The following DPP6 variants were observed in gnomAD, a reference collection of about 807,000 sequenced individuals.
DPP6 encodes A-type potassium channel modulatory protein DPP6.
Under a neutral mutation model 122.6 loss-of-function variants are expected in DPP6, and 69 were observed. The observed-to-expected ratio is 0.56, with a 90% CI of 0.46 to 0.69. DPP6 has a LOEUF of 0.69. DPP6 is among the 30% of genes least tolerant of loss of function. The probability of loss-of-function intolerance (pLI) is 0.00; values close to 1 mark genes in which losing one functional copy is unlikely to be tolerated. For synonymous variants in DPP6, 418 were observed against 433.1 expected (o/e 0.97, Z 0.43); for missense variants, 928 against 1,116.9 (o/e 0.83, Z 2.41).
At chr7:154,593,622 C>T (rs1282333787) in intron 5 of DPP6, among the ~76,000 whole-genome samples, 2 of 152,342 alleles carry the variant, frequency 1.3e-5, no homozygotes, top group South Asian at 2.1e-4. Context: ...AAATGCATCA[C>T]GTACTCAGAA....
intron 1 of DPP6, among the ~76,000 whole-genome samples, chr7:154,089,996 T>C (rs1804692610): frequency 6.6e-6 from 1 of 152,248 alleles, no homozygotes; most frequent in Non-Finnish European, 1.5e-5. Context: ...CAGACTGTTT[T>C]GTTGTAAATA....
At chr7:154,061,302 G>A (rs867740311) in intron 1 of DPP6, among the ~76,000 whole-genome samples, 1,017 of 129,926 alleles carry the variant, frequency 7.8e-3, no homozygotes, top group African/African-American at 0.013. Flanking sequence ...AAATCTTCTG[G>A]CAGCCCCAGC....
At chr7:153,817,239 A>C in the DPP6 span, among the ~76,000 whole-genome samples, 4 of 148,642 alleles carry the variant, frequency 2.7e-5, no homozygotes, top group African/African-American at 9.9e-5. Context: ...GGCAAGAAAG[A>C]AGAGTTGGTC....
the DPP6 span, among the ~76,000 whole-genome samples, chr7:153,859,478 T>G: frequency 6.6e-6 from 1 of 151,944 alleles, no homozygotes; most frequent in Non-Finnish European, 1.5e-5. Context: ...AAAACTTGAG[T>G]GAGACATGGG....
Position 154,875,970 on chromosome 7 carries a change from G to A in DPP6, c.1948G>A (p.Val650Met). ...CGAGGTGAGCTGGGAGACGGTGATG[G>A]TGAGCAGCCACGGCGCGGTGGTGGT... ...KFEVSWETVM[V>M]SSHGAVVVKC... is the part of the protein sequence containing the mutation. The change falls in exon 20 of 26, where the codon GTG (valine) becomes ATG (methionine). Residue 650 changes from valine to methionine, a missense_variant. By Grantham distance (21) the Val-to-Met change is conservative (BLOSUM62 1). Coordinates refer to ENST00000377770, the MANE Select transcript of DPP6 (RefSeq NM_130797.4). This position sits in a 1 kb window ranked among gnomAD's most constrained non-coding sequence, Gnocchi z 4.5. The A allele has an allele frequency of 1.2e-6, 2 of 1,613,594 alleles. No individual in the cohort carries two copies. Among genetic ancestry groups the A allele is most frequent in the Non-Finnish European group, 1.7e-6 (2 of 1,179,778 alleles).
intron 1 of DPP6, among the ~76,000 whole-genome samples, chr7:154,060,060 T>TC (rs1406548634): frequency 4.8e-5 from 7 of 146,628 alleles, no homozygotes; most frequent in East Asian, 4.0e-4. Context: ...CAACCCCTCT[T>TC]CCCCCCCTGG....
At chr7:153,911,486 C>G (rs1409430355) in intron 1 of DPP6, among the ~76,000 whole-genome samples, 1 of 152,156 alleles carries the variant, frequency 6.6e-6, no homozygotes, top group Non-Finnish European at 1.5e-5. Flanking sequence ...GATGCTCTCC[C>G]AAATTTAGAT....
intron 7 of DPP6, among the ~76,000 whole-genome samples, chr7:154,669,853 G>GT (rs374360057): frequency 1.3e-3 from 176 of 140,166 alleles, no homozygotes; most frequent in African/African-American, 4.4e-3. Flanking sequence ...GTTTTTTTTT[G>GT]TTTTTTGTTT....
At chr7:154,142,106 G>A (rs190393907) in intron 1 of DPP6, among the ~76,000 whole-genome samples, 23 of 152,068 alleles carry the variant, frequency 1.5e-4, no homozygotes, top group African/African-American at 4.1e-4. Flanking sequence ...CGTACTCCCA[G>A]GAAAAGTACA....
intron 1 of DPP6, among the ~76,000 whole-genome samples, chr7:154,326,784 C>T (rs985564224): frequency 6.6e-5 from 10 of 152,186 alleles, no homozygotes; most frequent in African/African-American, 2.4e-4. Flanking sequence ...CATATCCTTT[C>T]TTAAGGTATA....
chr7:154,853,377 C>T (rs1477777801), intron 16 of DPP6, among the ~76,000 whole-genome samples: 1 of 152,208 alleles, frequency 6.6e-6, no homozygotes, highest in Non-Finnish European at 1.5e-5. Context: ...GACATCCTTC[C>T]TGGAGGAGCC....
intron 5 of DPP6, among the ~76,000 whole-genome samples, chr7:154,574,165 TTTG>T (rs1341484727): frequency 6.6e-6 from 1 of 152,116 alleles, no homozygotes; most frequent in African/African-American, 2.4e-5. Flanking sequence ...AAATGCAAAC[TTTG>T]TTAAGGTAAT....
At chr7:153,770,694 T>C in the DPP6 span, among the ~76,000 whole-genome samples, 1 of 152,042 alleles carries the variant, frequency 6.6e-6, no homozygotes, top group Non-Finnish European at 1.5e-5. Context: ...GTCTAACAGA[T>C]AATTTAAAAT....
chr7:154,273,457 T>C (rs1029538925), intron 1 of DPP6, among the ~76,000 whole-genome samples: 4 of 152,224 alleles, frequency 2.6e-5, no homozygotes, highest in Non-Finnish European at 5.9e-5. Flanking sequence ...GGATCATCAT[T>C]AGCTTTAAAA....
chr7:154,159,557 T>C (rs2150704554), intron 1 of DPP6, among the ~76,000 whole-genome samples: 1 of 152,384 alleles, frequency 6.6e-6, no homozygotes, highest in East Asian at 1.9e-4. Context: ...AAAGGTAATA[T>C]TTATGAGACA....
upstream of DPP6, among the ~76,000 whole-genome samples, chr7:153,885,383 G>A (rs1279992434): frequency 6.6e-6 from 1 of 152,004 alleles, no homozygotes; most frequent in Non-Finnish European, 1.5e-5. Context: ...TAACCCCAGG[G>A]TGATGGTGTT....
At chr7:154,226,771 T>C (rs1406455268) in intron 1 of DPP6, among the ~76,000 whole-genome samples, 1 of 152,202 alleles carries the variant, frequency 6.6e-6, no homozygotes, top group Non-Finnish European at 1.5e-5. Flanking sequence ...TTGCTTATTT[T>C]TGGTGGTATG....
chr7:153,875,543 A>G, the DPP6 span, among the ~76,000 whole-genome samples: 1 of 152,104 alleles, frequency 6.6e-6, no homozygotes, highest in Non-Finnish European at 1.5e-5. Context: ...GTTAAATAAT[A>G]TTTGATTACT....
intron 1 of DPP6, among the ~76,000 whole-genome samples, chr7:154,045,971 AT>A (rs1294171201): frequency 6.6e-6 from 1 of 151,996 alleles, no homozygotes; most frequent in Non-Finnish European, 1.5e-5. Flanking sequence ...TCATGCATTG[AT>A]TTGGCTTTAA....
Sources: allele counts gnomAD v4.1 joint callset (sites outside exome capture counted in the v4.1 genomes callset), GRCh38; gene constraint gnomAD v4.1.1; non-coding constraint Gnocchi (gnomAD v3.1); transcripts MANE v1.5; gene names NCBI Gene and HGNC (gene_info 2026-07-23, HGNC 2026-07-21).